The following ALOX5 variants were observed in gnomAD, a reference collection of about 807,000 sequenced individuals.
ALOX5 encodes the protein arachidonate 5-lipoxygenase, also known as polyunsaturated fatty acid 5-lipoxygenase.
Under a neutral mutation model 87.9 loss-of-function variants are expected in ALOX5, and 64 were observed. That is an observed-to-expected ratio of 0.73 (90% CI 0.60 to 0.90). The LOEUF (loss-of-function observed/expected upper bound fraction) is 0.90. Among genes scored for constraint, ALOX5 ranks in the 40% least tolerant of loss-of-function variants. The pLI is 0.00. For missense variants in ALOX5, 822 were observed against 907.5 expected (o/e 0.91, Z 1.21); for synonymous variants, 388 against 355.1 (o/e 1.09, Z -1.04).
intron 8 of ALOX5, 127 bp from the exon 9 acceptor site, chr10:45,441,217 C>T: frequency 1.3e-6 from 1 of 751,564 alleles, no homozygotes; most frequent in South Asian, 1.6e-5. Context: ...CAGCACCCAG[C>T]CTTCACTTCC....
In ALOX5 at chr10:45,443,020, C is replaced by T; in HGVS notation, c.1273-18C>T. On this transcript the variant is annotated intron_variant, in intron 9 of 13. Coordinates refer to ENST00000374391, the MANE Select transcript of ALOX5 (RefSeq NM_000698.5). The stretch of plus-strand genomic sequence containing the variant: ...TGGGAGGAGCCACCCGCTCAGGGCA[C>T]TCTACCTCCCACTCCAGGCCAACGC... 1 of 1,606,096 alleles carries T rather than the reference C, an allele frequency of 6.2e-7. No homozygotes were observed. The highest frequency in any genetic ancestry group is 8.5e-7 in the Non-Finnish European group (1 of 1,176,088).
chr10:45,445,923 C>A lies in ALOX5; in HGVS notation c.*236C>A. 2.2e-6 allele frequency: 1 copy of A among 444,764 alleles called. No homozygotes were observed. The allele number at this position is 444,764 out of a possible 1,614,324, so 27.6% of individuals were successfully genotyped here. A position where few individuals can be genotyped will look rare whatever the true frequency, so the allele number is the denominator to read the frequency against. ...CACAGCGTCCTGTCCACACCCAGCT[C>A]AGCATTTCCACACCAAGCAGCAACA... On this transcript the variant is annotated 3_prime_UTR_variant, in exon 14 of 14. Transcript: ENST00000374391.
chr10:45,375,918 C>CG (rs1839590751), intron 1 of ALOX5, among the ~76,000 whole-genome samples: 1 of 152,228 alleles, frequency 6.6e-6, no homozygotes, highest in South Asian at 2.1e-4. Flanking sequence ...CCATTTCTGA[C>CG]GCACCTTCAT....
rs2228064 is a variant in ALOX5, at chr10:45,382,602, G to A, written c.270G>A (p.Thr90=). 35,833 of 1,613,990 alleles carry A rather than the reference G, an allele frequency of 0.022. 3,665 individuals are homozygous for A. The African/African-American group carries it at 0.29, about 13-fold the overall frequency. ...DWYLKYITLK[T]PHGDYIEFPC... ...ACCTGAAGTACATCACGCTGAAGACGCCCCACGGGGACTACATCGAGTTCC... is the reference window on the plus strand; with the variant it reads ...ACCTGAAGTACATCACGCTGAAGACACCCCACGGGGACTACATCGAGTTCC... The change falls in exon 2 of 14, where the codon ACG becomes ACA. Residue 90 remains threonine (T), a synonymous_variant. Coordinates refer to ENST00000374391, the MANE Select transcript of ALOX5 (RefSeq NM_000698.5).
At chr10:45,384,879 A>G (rs1011190236) in intron 2 of ALOX5, among the ~76,000 whole-genome samples, 4 of 149,694 alleles carry the variant, frequency 2.7e-5, no homozygotes, top group East Asian at 1.9e-4. Flanking sequence ...GTCTCACTCT[A>G]TTGCCCAAGC....
intron 7 of ALOX5, among the ~76,000 whole-genome samples, chr10:45,437,761 TTTTAG>T (rs1842102013): frequency 6.6e-6 from 1 of 152,218 alleles, no homozygotes; most frequent in African/African-American, 2.4e-5. Flanking sequence ...GCCAGTCGGG[TTTTAG>T]TTTAGACTGT....
intron 3 of ALOX5, among the ~76,000 whole-genome samples, chr10:45,398,947 C>G (rs142119241): frequency 6.6e-6 from 1 of 152,334 alleles, no homozygotes; most frequent in African/African-American, 2.4e-5. Flanking sequence ...ACAGCATTTC[C>G]ACTCTTAAGC....
At chr10:45,375,305 C>A (rs959757459) in intron 1 of ALOX5, among the ~76,000 whole-genome samples, 1 of 152,154 alleles carries the variant, frequency 6.6e-6, no homozygotes, top group Admixed American at 6.5e-5. Context: ...TCCAGCCCCA[C>A]GACTCTTTTC....
At chr10:45,396,399 T>G (rs1407184384) in intron 3 of ALOX5, among the ~76,000 whole-genome samples, 1 of 151,658 alleles carries the variant, frequency 6.6e-6, no homozygotes, top group Non-Finnish European at 1.5e-5. Flanking sequence ...AAAATGAGAC[T>G]CATAAAATGA....
At chr10:45,379,488 G>A (rs1839753178) in intron 1 of ALOX5, among the ~76,000 whole-genome samples, 1 of 152,184 alleles carries the variant, frequency 6.6e-6, no homozygotes, top group African/African-American at 2.4e-5. Context: ...TTCCTTCTGG[G>A]CTTTGAGTGA....
rs1205028757 is a variant in ALOX5, at chr10:45,374,279, C to G, written c.-1C>G. The G allele has an allele frequency of 6.7e-7, 1 of 1,484,236 alleles. No homozygotes were observed. Among genetic ancestry groups the G allele is most frequent in the South Asian group, 1.3e-5 (1 of 77,828 alleles). The allele number at this position is 1,484,236 out of a possible 1,614,324, so 91.9% of individuals were successfully genotyped here. ...CGCTCGCTGCTCCCGCGGCCCGCGCCATGCCCTCCTACACGGTCACCGTGG... is the reference window on the plus strand; with the variant it reads ...CGCTCGCTGCTCCCGCGGCCCGCGCGATGCCCTCCTACACGGTCACCGTGG... On this transcript the variant is annotated 5_prime_UTR_variant, in exon 1 of 14. Coordinates refer to ENST00000374391, the MANE Select transcript of ALOX5 (RefSeq NM_000698.5).
intron 2 of ALOX5, among the ~76,000 whole-genome samples, chr10:45,390,624 A>C (rs1840183766): frequency 6.6e-6 from 1 of 152,250 alleles, no homozygotes; most frequent in African/African-American, 2.4e-5. Flanking sequence ...GCAGAAATAA[A>C]GATTTTCTTT....
rs1417231510 is a variant in ALOX5 at position 45,413,459 on chromosome 10, A to G, written c.554+1146A>G. Among the ~76,000 whole-genome samples, 4 of 152,230 alleles carry G rather than the reference A, an allele frequency of 2.6e-5. No individual in the cohort carries two copies. In the East Asian group the frequency reaches 5.8e-4, roughly 22 times the overall value. Reference sequence around the variant, plus strand: ...GATGTATCTCAAAATAATAAGAGCTATTTATGACAGACCCACAGCCAATAT... The same window carrying G: ...GATGTATCTCAAAATAATAAGAGCTGTTTATGACAGACCCACAGCCAATAT... On this transcript the variant is annotated intron_variant, in intron 4 of 13. Transcript: ENST00000374391.
chr10:45,417,189 A>G (rs950830907), intron 4 of ALOX5, among the ~76,000 whole-genome samples: 2 of 152,060 alleles, frequency 1.3e-5, no homozygotes, highest in African/African-American at 2.4e-5. Context: ...ATGAGCACCT[A>G]TCCTGTGGTA....
chr10:45,397,367 G>C (rs554189478), intron 3 of ALOX5, among the ~76,000 whole-genome samples: 60 of 152,266 alleles, frequency 3.9e-4, no homozygotes, highest in African/African-American at 1.4e-3. Flanking sequence ...TGACAAGCAA[G>C]ACTCCGTCCC....
At chr10:45,407,630 T>C (rs1589013328) in intron 3 of ALOX5, among the ~76,000 whole-genome samples, 1 of 152,202 alleles carries the variant, frequency 6.6e-6, no homozygotes, top group East Asian at 1.9e-4. Context: ...CATGCCTTTC[T>C]CTGGCTCAGT....
chr10:45,391,439 G>A (rs1283671373), intron 2 of ALOX5, among the ~76,000 whole-genome samples: 5 of 152,114 alleles, frequency 3.3e-5, no homozygotes, highest in Admixed American at 1.3e-4. Context: ...ATCTCGGCTC[G>A]CTACAACCTC....
At chr10:45,439,062 T>C (rs1397891470) in intron 7 of ALOX5, among the ~76,000 whole-genome samples, 2 of 152,242 alleles carry the variant, frequency 1.3e-5, no homozygotes, top group Non-Finnish European at 2.9e-5. Context: ...AGGTGGGGAA[T>C]GTGAAATATC....
rs1338669841 is a variant in ALOX5 at position 45,437,838 on chromosome 10, A to C, written c.982-2592A>C. ...AGCAGGGACAAGCTGCGTAAGGAAT[A>C]AAAATTGCTTCTCTCCATTATTCAG... On this transcript the variant is annotated intron_variant, in intron 7 of 13. Transcript: ENST00000374391. 2.0e-5 allele frequency among the ~76,000 whole-genome samples: 3 copies of C among 152,256 alleles called. No homozygotes were observed. In the East Asian group the frequency reaches 5.8e-4, roughly 29 times the overall value.
Sources: allele counts gnomAD v4.1 joint callset (sites outside exome capture counted in the v4.1 genomes callset), GRCh38; gene constraint gnomAD v4.1.1; transcripts MANE v1.5; gene names NCBI Gene and HGNC (gene_info 2026-07-23, HGNC 2026-07-21).